NEDD4: variants seen among roughly 807,000 people sequenced by gnomAD.
The protein encoded by NEDD4 is E3 ubiquitin-protein ligase NEDD4.
Under a neutral mutation model 144.9 loss-of-function variants are expected in NEDD4, and 99 were observed. The observed-to-expected ratio is 0.68, with a 90% CI of 0.58 to 0.81. The LOEUF (loss-of-function observed/expected upper bound fraction) is 0.81. Among genes scored for constraint, NEDD4 ranks in the 30% least tolerant of loss-of-function variants. The pLI, the probability that NEDD4 is intolerant of heterozygous loss-of-function variation, is 0.00. For missense variants in NEDD4, 985 were observed against 1,065.9 expected, an observed-to-expected ratio of 0.92 and a Z score of 1.06; for synonymous variants, 318 against 350.6, an observed-to-expected ratio of 0.91 and a Z score of 1.04.
chr15:55,875,236 T>A (rs1595782248), intron 5 of NEDD4, among the ~76,000 whole-genome samples: 1 of 151,928 alleles, frequency 6.6e-6, no homozygotes, highest in East Asian at 1.9e-4. Flanking sequence ...AAAAATAAGG[T>A]CATAATGAAT....
chr15:55,861,763 C>G (rs1204130124), intron 9 of NEDD4, among the ~76,000 whole-genome samples: 1 of 152,066 alleles, frequency 6.6e-6, no homozygotes, highest in African/African-American at 2.4e-5. Flanking sequence ...TTTAATATAA[C>G]CAGTCTATCA....
intron 2 of NEDD4, chr15:55,952,730 T>C (rs1449838869): frequency 1.3e-5 from 2 of 152,248 alleles, no homozygotes; most frequent in Non-Finnish European, 2.9e-5. Context: ...TTTGGAGCCT[T>C]GCGTCATCTG....
At chr15:55,971,234 T>C (rs1209626565) in intron 1 of NEDD4, among the ~76,000 whole-genome samples, 2 of 152,096 alleles carry the variant, frequency 1.3e-5, no homozygotes, top group Non-Finnish European at 2.9e-5. Flanking sequence ...AGATAGGTTA[T>C]TTGAAAATAT....
intron 4 of NEDD4, among the ~76,000 whole-genome samples, chr15:55,948,658 C>A (rs570840910): frequency 6.6e-6 from 1 of 152,272 alleles, no homozygotes; most frequent in South Asian, 2.1e-4. Context: ...CACACATCTA[C>A]AACCATCTGA....
chr15:55,853,471 C>G (rs1379469451), intron 12 of NEDD4, among the ~76,000 whole-genome samples: 1 of 152,098 alleles, frequency 6.6e-6, no homozygotes, highest in Admixed American at 6.6e-5. Context: ...TTGATCTTAG[C>G]CAAAAGGCCG....
chr15:55,893,977 T>C (rs1386678437), intron 5 of NEDD4, among the ~76,000 whole-genome samples: 1 of 152,074 alleles, frequency 6.6e-6, no homozygotes, highest in Non-Finnish European at 1.5e-5. Flanking sequence ...AACATTTTCC[T>C]AGAAGTTCAA....
At chr15:55,967,640 G>T (rs2037538477) in intron 1 of NEDD4, among the ~76,000 whole-genome samples, 1 of 146,368 alleles carries the variant, frequency 6.8e-6, no homozygotes, top group African/African-American at 2.5e-5. Flanking sequence ...TATAAAACAT[G>T]TATATTTTTT....
intron 5 of NEDD4, chr15:55,915,742 T>A (rs1401283358): frequency 6.2e-7 from 1 of 1,613,868 alleles, no homozygotes; most frequent in Non-Finnish European, 8.5e-7. Context: ...TCACAGACAG[T>A]CTGTCTGGGA....
At chr15:55,978,133 G>A (rs1167601306) in intron 1 of NEDD4, among the ~76,000 whole-genome samples, 1 of 152,088 alleles carries the variant, frequency 6.6e-6, no homozygotes, top group Non-Finnish European at 1.5e-5. Context: ...AACCATCCAT[G>A]TTAGCCTCGA....
In NEDD4 at chr15:55,829,972, A is replaced by G. The variant is rs1293589571; in HGVS notation, c.2628T>C (p.Tyr876=). The change falls in exon 29 of 29, where the codon TAT becomes TAC. Residue 876 remains tyrosine (Y), a synonymous_variant. Coordinates refer to ENST00000435532, the MANE Select transcript of NEDD4 (RefSeq NM_006154.4). Reference sequence around the variant, plus strand: ...TATCCCATAATTCTTCAAATGATTCATAAGGTGGCAAGTCCAGGCGATTAA... The same window carrying G: ...TATCCCATAATTCTTCAAATGATTCGTAAGGTGGCAAGTCCAGGCGATTAA... ...TCFNRLDLPP[Y]ESFEELWDKL... is the part of the protein sequence containing the mutation. The G allele has an allele frequency of 6.2e-7, 1 of 1,613,462 alleles. No individual in the cohort carries two copies. The highest frequency in any genetic ancestry group is 8.5e-7 in the Non-Finnish European group (1 of 1,179,732).
chr15:55,923,041 G>A (rs1210727524), intron 5 of NEDD4, among the ~76,000 whole-genome samples: 2 of 151,412 alleles, frequency 1.3e-5, no homozygotes, highest in East Asian at 4.0e-4. Context: ...AAAATAAGCT[G>A]GGCAAGGAGG....
chr15:55,868,571 T>C (rs1456976838), intron 8 of NEDD4, among the ~76,000 whole-genome samples: 1 of 152,194 alleles, frequency 6.6e-6, no homozygotes, highest in Non-Finnish European at 1.5e-5. Flanking sequence ...ACACACTCTC[T>C]TGCCTGCCAC....
intron 2 of NEDD4, among the ~76,000 whole-genome samples, chr15:55,960,287 G>C (rs1324266528): frequency 6.6e-6 from 1 of 152,196 alleles, no homozygotes; most frequent in Non-Finnish European, 1.5e-5. Context: ...AGTGGACTGG[G>C]AGAGGCAGAC....
intron 1 of NEDD4, among the ~76,000 whole-genome samples, chr15:55,980,053 C>A (rs1455760470): frequency 6.6e-6 from 1 of 152,032 alleles, no homozygotes; most frequent in Non-Finnish European, 1.5e-5. Flanking sequence ...AGTGATTCTC[C>A]TACCTCAGCC....
At chr15:55,958,850 G>C (rs561470056) in intron 2 of NEDD4, among the ~76,000 whole-genome samples, 7 of 150,620 alleles carry the variant, frequency 4.6e-5, no homozygotes, top group African/African-American at 1.7e-4. Flanking sequence ...CATTTCCACA[G>C]GGTCTATAGC....
In NEDD4 at chr15:55,830,514, C is replaced by T. The variant is rs754172339; in HGVS notation, c.2600G>A (p.Cys867Tyr). The T allele has an allele frequency of 1.2e-6, 2 of 1,613,704 alleles. No individual in the cohort carries two copies. Among genetic ancestry groups the T allele is most frequent in the Non-Finnish European group, 1.7e-6 (2 of 1,179,684 alleles). ...TPEKLPRAHT[C>Y]FNRLDLPPYE... is the part of the protein sequence containing the mutation. The stretch of plus-strand genomic sequence containing the variant: ...TATCAAGGTCCAAACAACTGCTTAC[C>T]AGGTATGAGCTCTTGGCAGCTTTTC... Residue 867 changes from cysteine (C) to tyrosine (Y), a missense_variant and splice_region_variant, in exon 28 of 29, where the codon TGT (cysteine) becomes TAT (tyrosine). Cys to Tyr is a radical substitution (Grantham distance 194). Coordinates refer to ENST00000435532, the MANE Select transcript of NEDD4 (RefSeq NM_006154.4).
chr15:55,856,511 T>G (rs2034201490), intron 11 of NEDD4, among the ~76,000 whole-genome samples: 1 of 152,206 alleles, frequency 6.6e-6, no homozygotes, highest in African/African-American at 2.4e-5. Flanking sequence ...TAACTTCAAG[T>G]TTCATCTTTT....
intron 19 of NEDD4, among the ~76,000 whole-genome samples, chr15:55,841,248 T>A (rs760158990): frequency 1.9e-4 from 29 of 152,120 alleles, no homozygotes; most frequent in Non-Finnish European, 3.2e-4. Context: ...AAGCATTATA[T>A]GCAAAAATAA....
At chr15:55,852,313 AAAG>A in intron 13 of NEDD4, 108 bp downstream of exon 13, 1 of 1,255,778 alleles carries the variant, frequency 8.0e-7, no homozygotes, top group Non-Finnish European at 1.1e-6. Flanking sequence ...TAAAAAAAAA[AAAG>A]AAGGTGGTAG....
Sources: allele counts gnomAD v4.1 joint callset (sites outside exome capture counted in the v4.1 genomes callset), GRCh38; gene constraint gnomAD v4.1.1; transcripts MANE v1.5; gene names NCBI Gene and HGNC (gene_info 2026-07-23, HGNC 2026-07-21).